DEPDC5: variants seen among roughly 807,000 people sequenced by gnomAD.
DEPDC5 encodes DEP domain containing 5, GATOR1 subcomplex subunit, also known as GATOR1 complex protein DEPDC5.
Under a neutral mutation model 217.3 loss-of-function variants are expected in DEPDC5, and 73 were observed. The ratio of observed to expected loss-of-function variants is 0.34; its 90% CI spans 0.28 to 0.41. The LOEUF is 0.41. Among genes scored for constraint, DEPDC5 ranks in the 10% least tolerant of loss-of-function variants. DEPDC5 has a pLI of 1.00. For synonymous variants in DEPDC5, 733 were observed against 756.7 expected (o/e 0.97, Z 0.51); for missense variants, 1,675 against 2,070.1 (o/e 0.81, Z 3.70).
At chr22:31,871,690 A>G (rs2092848029) in intron 34 of DEPDC5, among the ~76,000 whole-genome samples, 1 of 152,254 alleles carries the variant, frequency 6.6e-6, no homozygotes, top group Admixed American at 6.5e-5. Flanking sequence ...GTAGAACAGT[A>G]GGTTTACTTC....
Position 31,822,810 on chromosome 22 carries a change from A to G in DEPDC5, c.2104+20A>G. ...GTGCAGGTAACCAATCCAAGAGGTA[A>G]TAGAGTTGGGATGTTTAGATCAGGC... is the stretch of plus-strand genomic sequence containing the variant. On this transcript the variant is annotated intron_variant, in intron 24 of 42. Transcript: ENST00000651528. 6.2e-7 allele frequency: 1 copy of G among 1,611,052 alleles called. No homozygotes were observed.
At chr22:31,784,655 T>C in intron 9 of DEPDC5, 159 bp from the exon 10 acceptor site, 1 of 590,514 alleles carries the variant, frequency 1.7e-6, no homozygotes, top group Non-Finnish European at 2.9e-6. Flanking sequence ...AAATACACCT[T>C]CTTTTTGGTC....
At chr22:31,832,973 C>T (rs971354827) in intron 24 of DEPDC5, among the ~76,000 whole-genome samples, 2 of 152,206 alleles carry the variant, frequency 1.3e-5, no homozygotes, top group Non-Finnish European at 2.9e-5. Context: ...TTCTCTTTTA[C>T]CTCCTATCCC....
chr22:31,855,447 G>A (rs1423741490), intron 31 of DEPDC5, among the ~76,000 whole-genome samples: 1 of 151,338 alleles, frequency 6.6e-6, no homozygotes, highest in East Asian at 1.9e-4. Flanking sequence ...CGCGATATCG[G>A]CTCATTGCAA....
chr22:31,818,395 C>T (rs1367860709), intron 21 of DEPDC5, among the ~76,000 whole-genome samples: 1 of 152,188 alleles, frequency 6.6e-6, no homozygotes, highest in Non-Finnish European at 1.5e-5. Flanking sequence ...TCCTGGGATG[C>T]CATGATTATC....
rs116263417 is a variant in DEPDC5 at position 31,768,804 on chromosome 22, C to A, written c.364-10C>A. ...TCCCTCTCTCTACCCCTCTCTCCCC[C>A]TCCTCTTAGGTCAGCACATGTGCCT... On this transcript the variant is annotated splice_polypyrimidine_tract_variant and intron_variant, in intron 6 of 42. Coordinates refer to ENST00000651528, the MANE Select transcript of DEPDC5 (RefSeq NM_001242896.3). 1.9e-6 allele frequency: 3 copies of A among 1,612,288 alleles called. No individual in the cohort carries two copies. The highest frequency in any genetic ancestry group is 4.5e-5 in the East Asian group (2 of 44,800).
chr22:31,838,855 T>C lies in DEPDC5; in HGVS notation c.2515+10T>C, dbSNP rs1276307484. On this transcript the variant is annotated intron_variant, in intron 27 of 42. Coordinates refer to ENST00000651528, the MANE Select transcript of DEPDC5 (RefSeq NM_001242896.3). ...CCACTCTATAGCCGAGGTGAGTTTT[T>C]CTCCTTGGATTTCTATTTTTTTCTC... 3 of 1,607,468 alleles carry C rather than the reference T, an allele frequency of 1.9e-6. No individual in the cohort carries two copies. The highest frequency in any genetic ancestry group is 4.5e-5 in the East Asian group (2 of 44,748).
At chr22:31,856,614 G>A (rs2092315093) in intron 31 of DEPDC5, among the ~76,000 whole-genome samples, 2 of 152,116 alleles carry the variant, frequency 1.3e-5, no homozygotes, top group Non-Finnish European at 2.9e-5. Flanking sequence ...GATGTCGTAA[G>A]GATACTGTAT....
chr22:31,755,669 C>G (rs2075265203), intron 2 of DEPDC5, among the ~76,000 whole-genome samples: 1 of 151,992 alleles, frequency 6.6e-6, no homozygotes, highest in African/African-American at 2.4e-5. Context: ...CTCAACCTCC[C>G]TAATAGTTGG....
At chr22:31,837,599 C>T (rs1426838547) in intron 26 of DEPDC5, among the ~76,000 whole-genome samples, 2 of 152,136 alleles carry the variant, frequency 1.3e-5, no homozygotes, top group Non-Finnish European at 2.9e-5. Context: ...AGTCATCTGC[C>T]CATCTGTTGC....
intron 12 of DEPDC5, among the ~76,000 whole-genome samples, chr22:31,793,694 C>T (rs578020361): frequency 6.6e-6 from 1 of 152,034 alleles, no homozygotes; most frequent in Non-Finnish European, 1.5e-5. Flanking sequence ...CTCAGCCTCC[C>T]GAGTAGCTGG....
intron 38 of DEPDC5, among the ~76,000 whole-genome samples, chr22:31,891,676 T>TG (rs1276838865): frequency 6.6e-6 from 1 of 152,168 alleles, no homozygotes; most frequent in African/African-American, 2.4e-5. Context: ...AGAAAACTGT[T>TG]GAATTCATGG....
chr22:31,766,507 A>G lies in DEPDC5; in HGVS notation c.280-78A>G, dbSNP rs540135076. On this transcript the variant is annotated intron_variant, in intron 5 of 42. Transcript: ENST00000651528. Reference sequence around the variant, plus strand: ...TCTTTTTTGCAATAAGTTTTTTTCCATGGTAAGTGGGCATTACCTTCTGAC... The same window carrying G: ...TCTTTTTTGCAATAAGTTTTTTTCCGTGGTAAGTGGGCATTACCTTCTGAC... 1.1e-5 allele frequency: 15 copies of G among 1,423,910 alleles called. No individual in the cohort carries two copies. The African/African-American group carries it at 1.6e-4, about 15-fold the overall frequency. 88.2% of individuals were successfully genotyped at this position (1,423,910 alleles called of 1,614,324 possible).
chr22:31,864,501 A>AATATATATATATAT lies in DEPDC5; in HGVS notation c.3330+3079_3330+3092dup, dbSNP rs34148134. ...CCTTCTGAACCTGTTTCTTCATTAA[A>AATATATATATATAT]ATATATATATATATATATATATATT... On this transcript the variant is annotated intron_variant, in intron 33 of 42. Coordinates refer to ENST00000651528, the MANE Select transcript of DEPDC5 (RefSeq NM_001242896.3). 1.7e-3 allele frequency among the ~76,000 whole-genome samples: 208 copies of AATATATATATATAT among 123,102 alleles called. 1 individual carries two copies. Among genetic ancestry groups the AATATATATATATAT allele is most frequent in the South Asian group, 3.9e-3 (14 of 3,572 alleles). 80.8% of individuals were successfully genotyped at this position (123,102 alleles called of 152,430 possible). A position where few individuals can be genotyped will look rare whatever the true frequency, so the allele number is the denominator to read the frequency against.
chr22:31,847,686 C>T (rs1045811608), intron 31 of DEPDC5, among the ~76,000 whole-genome samples: 3 of 152,168 alleles, frequency 2.0e-5, no homozygotes, highest in East Asian at 1.9e-4. Context: ...TCCCATGACA[C>T]GTGGGGATTA....
chr22:31,906,690 GA>G lies in DEPDC5; in HGVS notation c.*196del. On this transcript the variant is annotated 3_prime_UTR_variant, in exon 43 of 43. Coordinates refer to ENST00000651528, the MANE Select transcript of DEPDC5 (RefSeq NM_001242896.3). The surrounding 1 kb of genome is among the most constrained non-coding windows in gnomAD (Gnocchi z 5.1). ...CCACGACAAGTCTTCTACTCTAGAA[GA>G]AAGACTTTGGAAGCAGCTGCTGCTG... 1 of 724,208 alleles carries G rather than the reference GA, an allele frequency of 1.4e-6. No individual in the cohort carries two copies. The highest frequency in any genetic ancestry group is 2.2e-6 in the Non-Finnish European group (1 of 450,534). 44.9% of individuals were successfully genotyped at this position (724,208 alleles called of 1,614,324 possible).
chr22:31,820,139 TCTCA>T (rs1447519963), intron 22 of DEPDC5, among the ~76,000 whole-genome samples: 9 of 152,052 alleles, frequency 5.9e-5, no homozygotes, highest in African/African-American at 2.2e-4. Flanking sequence ...TGAGACAGTG[TCTCA>T]CTCTGTTACG....
intron 4 of DEPDC5, among the ~76,000 whole-genome samples, chr22:31,764,018 C>T (rs953680820): frequency 3.3e-5 from 5 of 151,966 alleles, no homozygotes; most frequent in Admixed American, 1.3e-4. Flanking sequence ...CAACTTCCAC[C>T]TCCTAGGTTC....
At chr22:31,808,692 A>G (rs1280649798) in intron 18 of DEPDC5, among the ~76,000 whole-genome samples, 2 of 151,836 alleles carry the variant, frequency 1.3e-5, no homozygotes, top group Non-Finnish European at 2.9e-5. Flanking sequence ...TTGGCCTCCC[A>G]AAGTGCTGGG....
Sources: gnomAD v4.1 joint callset for allele counts (sites outside exome capture counted in the v4.1 genomes callset) on GRCh38, gnomAD v4.1.1 for gene constraint, Gnocchi (gnomAD v3.1) non-coding constraint, MANE v1.5 for transcripts, NCBI Gene and HGNC (gene_info 2026-07-23, HGNC 2026-07-21) for gene names.